C5: variants seen among roughly 807,000 people sequenced by gnomAD.
The protein encoded by C5 is C3 and PZP-like alpha-2-macroglobulin domain-containing protein 4.
Under a neutral mutation model 218.8 loss-of-function variants are expected in C5, and 140 were observed. The observed-to-expected ratio is 0.64, with a 90% CI of 0.56 to 0.74. The LOEUF (loss-of-function observed/expected upper bound fraction) is 0.74, where lower values mean the gene tolerates loss of function less well. C5 is among the 30% of genes least tolerant of loss of function. C5 has a pLI of 0.00. For synonymous variants in C5, 614 were observed against 682.3 expected, an observed-to-expected ratio of 0.90 and a Z score of 1.56; for missense variants, 1,700 against 1,969.6, an observed-to-expected ratio of 0.86 and a Z score of 2.59.
chr9:121,006,112 T>A (rs2131739195), intron 19 of C5, 54 bp from the exon 20 acceptor site: 1 of 1,564,488 alleles, frequency 6.4e-7, no homozygotes, highest in East Asian at 2.2e-5. Flanking sequence ...TCCTATAATG[T>A]TTTATTGGTA....
At chr9:121,069,575 A>C in the C5 span, among the ~76,000 whole-genome samples, 5 of 151,438 alleles carry the variant, frequency 3.3e-5, no homozygotes, top group African/African-American at 1.2e-4. Flanking sequence ...TTGCAGTGGC[A>C]TGATGATAGC....
intron 3 of C5, among the ~76,000 whole-genome samples, chr9:121,038,626 C>T (rs1442269183): frequency 6.6e-6 from 1 of 152,186 alleles, no homozygotes; most frequent in East Asian, 1.9e-4. Flanking sequence ...GCTTTTAACT[C>T]ACAGCTGTTT....
At chr9:121,060,914 G>A in the C5 span, among the ~76,000 whole-genome samples, 3 of 152,172 alleles carry the variant, frequency 2.0e-5, no homozygotes, top group Non-Finnish European at 2.9e-5. Flanking sequence ...CAGGTCGGGC[G>A]AAGTGGCTCA....
chr9:121,017,252 T>C, intron 14 of C5, 110 bp downstream of exon 14: 1 of 1,261,136 alleles, frequency 7.9e-7, no homozygotes. Context: ...AATGAGTATG[T>C]TGAGTAGATT....
At chr9:120,976,644 TG>T in intron 29 of C5, 55 bp downstream of exon 29, 2 of 1,392,644 alleles carry the variant, frequency 1.4e-6, no homozygotes, top group South Asian at 1.2e-5. Context: ...ATGAGTGTGG[TG>T]GGGGAGAAAA....
At chr9:121,020,335 C>T (rs1009987577) in intron 11 of C5, among the ~76,000 whole-genome samples, 156 bp from the exon 12 acceptor site, 7 of 152,134 alleles carry the variant, frequency 4.6e-5, no homozygotes, top group African/African-American at 1.7e-4. Flanking sequence ...AGTGTTTATA[C>T]AGCTGTGGTG....
intron 26 of C5, among the ~76,000 whole-genome samples, 180 bp from the exon 27 acceptor site, chr9:120,982,119 C>T (rs757052662): frequency 2.6e-5 from 4 of 152,192 alleles, no homozygotes; most frequent in Admixed American, 6.5e-5. Flanking sequence ...TCAAGCCATC[C>T]TCCGGCCTCA....
At chr9:120,996,027 C>T (rs916902594) in intron 22 of C5, among the ~76,000 whole-genome samples, 2 of 152,040 alleles carry the variant, frequency 1.3e-5, no homozygotes, top group East Asian at 3.9e-4. Context: ...CTATGTTGGC[C>T]AGGCTGGTCT....
At chr9:121,021,801 G>T in intron 10 of C5, 107 bp from the exon 11 acceptor site, 1 of 1,108,812 alleles carries the variant, frequency 9.0e-7, no homozygotes, top group Non-Finnish European at 1.4e-6. Context: ...AATTATTTAT[G>T]TATTTTTTTC....
rs1383923973 is a variant in C5, at chr9:120,989,092, C to A, written c.3184G>T (p.Ala1062Ser). The A allele has an allele frequency of 6.2e-7, 1 of 1,613,764 alleles. No individual in the cohort carries two copies. Among genetic ancestry groups the A allele is most frequent in the African/African-American group, 1.3e-5 (1 of 74,900 alleles). ...TTCCACACACTGTAAGAGTAGTCAG[C>A]ATTTCTGTAGGACATAATGCTCAAC... ...GMLSIMSYRN[A>S]DYSYSVWKGG... Residue 1062 changes from alanine to serine, a missense_variant, in exon 25 of 41, where the codon GCT becomes TCT. Coordinates refer to ENST00000223642, the MANE Select transcript of C5 (RefSeq NM_001735.3).
intron 33 of C5, among the ~76,000 whole-genome samples, chr9:120,967,084 AC>A (rs1215753831): frequency 1.3e-5 from 2 of 151,738 alleles, no homozygotes; most frequent in East Asian, 3.9e-4. Flanking sequence ...ACATGCTGAA[AC>A]CCCATCTCTA....
In C5 at chr9:121,020,244, T is replaced by A. The variant is rs41309034; in HGVS notation, c.1303-65A>T. The stretch of plus-strand genomic sequence containing the variant: ...GTAATGCTTTCTGTAAAACATACCT[T>A]TCAAATTATTTTCCTTGCTTTATAA... On this transcript the variant is annotated intron_variant, in intron 11 of 40. Transcript: ENST00000223642. The A allele has an allele frequency of 8.4e-4, 989 of 1,171,538 alleles. 7 individuals are homozygous for A. The African/African-American group carries it at 0.013, about 16-fold the overall frequency. 72.6% of individuals were successfully genotyped at this position (1,171,538 alleles called of 1,614,324 possible).
rs530119951 is a variant in C5, at chr9:121,026,542, G to A, written c.873+618C>T. Among the ~76,000 whole-genome samples the A allele has an allele frequency of 1.1e-4, 16 of 152,218 alleles. No homozygotes were observed. The East Asian group carries it at 2.9e-3, about 28-fold the overall frequency. On this transcript the variant is annotated intron_variant, in intron 8 of 40. Coordinates refer to ENST00000223642, the MANE Select transcript of C5 (RefSeq NM_001735.3). ...TTGAACAGGATAATTCTTTGTTGTA[G>A]GGGCCTGCCCTGTGCATGGTAGGAA...
At chr9:121,038,397 C>T (rs2047548685) in intron 3 of C5, among the ~76,000 whole-genome samples, 1 of 152,158 alleles carries the variant, frequency 6.6e-6, no homozygotes, top group Non-Finnish European at 1.5e-5. Flanking sequence ...TTCAGACATA[C>T]ACTCTTCCAC....
intron 3 of C5, among the ~76,000 whole-genome samples, chr9:121,040,766 C>T (rs2047571024): frequency 6.6e-6 from 1 of 152,158 alleles, no homozygotes; most frequent in African/African-American, 2.4e-5. Flanking sequence ...GTGATTCACA[C>T]AGGGTCATAC....
At chr9:120,980,622 G>T (rs1371926616) in intron 27 of C5, among the ~76,000 whole-genome samples, 1 of 151,788 alleles carries the variant, frequency 6.6e-6, no homozygotes, top group Non-Finnish European at 1.5e-5. Flanking sequence ...ACGGAGTCTC[G>T]CTCTGTCGCC....
chr9:121,027,481 G>A (rs1348228412), intron 7 of C5, among the ~76,000 whole-genome samples: 1 of 152,094 alleles, frequency 6.6e-6, no homozygotes, highest in African/African-American at 2.4e-5. Context: ...GCATGGTACT[G>A]GTACCAAAAC....
chr9:121,006,365 G>C (rs907165567), intron 19 of C5, among the ~76,000 whole-genome samples: 1 of 152,148 alleles, frequency 6.6e-6, no homozygotes, highest in Non-Finnish European at 1.5e-5. Flanking sequence ...TGTTTAATGA[G>C]TATAAAATTT....
intron 38 of C5, among the ~76,000 whole-genome samples, chr9:120,957,620 G>A (rs2046795907): frequency 6.6e-6 from 1 of 152,150 alleles, no homozygotes; most frequent in African/African-American, 2.4e-5. Context: ...AATAACAGAA[G>A]CACATAAAAC....
Sources: allele counts gnomAD v4.1 joint callset (sites outside exome capture counted in the v4.1 genomes callset), GRCh38; gene constraint gnomAD v4.1.1; transcripts MANE v1.5; gene names NCBI Gene and HGNC (gene_info 2026-07-23, HGNC 2026-07-21).